DGCR8: variants seen among roughly 807,000 people sequenced by gnomAD.
The protein encoded by DGCR8 is microprocessor complex subunit DGCR8.
In DGCR8, 14 loss-of-function variants were observed where a neutral mutation model predicts 78.5. That is an observed-to-expected ratio of 0.18 (90% CI 0.12 to 0.28). The LOEUF (loss-of-function observed/expected upper bound fraction) is 0.28. Among genes scored for constraint, DGCR8 ranks in the 10% least tolerant of loss-of-function variants. DGCR8 has a pLI of 1.00. For missense variants in DGCR8, 702 were observed against 1,022.5 expected, an observed-to-expected ratio of 0.69 and a Z score of 4.28; for synonymous variants, 399 against 402.4, an observed-to-expected ratio of 0.99 and a Z score of 0.10.
chr22:20,087,468 G>A lies in DGCR8; in HGVS notation c.880+147G>A. ...AGGACAGGACAGAAATATCTGAGGAGGGAAACACAGGATGGGAGGACGTCC... is the reference window on the plus strand; with the variant it reads ...AGGACAGGACAGAAATATCTGAGGAAGGAAACACAGGATGGGAGGACGTCC... On this transcript the variant is annotated intron_variant, in intron 3 of 13. Coordinates refer to ENST00000351989, the MANE Select transcript of DGCR8 (RefSeq NM_022720.7). This position sits in a 1 kb window ranked among gnomAD's most constrained non-coding sequence, Gnocchi z 4.1. The A allele has an allele frequency of 1.1e-6, 1 of 936,822 alleles. No individual in the cohort carries two copies. The allele number at this position is 936,822 out of a possible 1,614,324, so 58.0% of individuals were successfully genotyped here. A position where few individuals can be genotyped will look rare whatever the true frequency, so the allele number is the denominator to read the frequency against.
rs530897530 is a variant in DGCR8, at chr22:20,089,703, C to A, written c.915C>A (p.Asp305Glu). The part of the protein sequence containing the change: ...RGRPPTEPLP[D>E]GWIMTFHNSG... Reference sequence around the variant, plus strand: ...GCCCACCTACAGAGCCGCTGCCCGACGGGTGGATCATGACATTCCATAACT... The same window carrying A: ...GCCCACCTACAGAGCCGCTGCCCGAAGGGTGGATCATGACATTCCATAACT... Residue 305 changes from aspartate to glutamate, a missense_variant, in exon 4 of 14, where the codon GAC (aspartate) becomes GAA (glutamate). Physicochemically the swap from Asp to Glu is conservative, Grantham distance 45. This residue lies in a region of DGCR8 where 356 missense variants were observed against 448.9 expected (regional missense o/e 0.79). Coordinates refer to ENST00000351989, the MANE Select transcript of DGCR8 (RefSeq NM_022720.7). This position sits in a 1 kb window ranked among gnomAD's most constrained non-coding sequence, Gnocchi z 4.9. 8 of 1,613,886 alleles carry A rather than the reference C, an allele frequency of 5.0e-6. No homozygotes were observed. In the South Asian group the frequency reaches 5.5e-5, roughly 11 times the overall value.
At chr22:20,102,806 A>G (rs751052973) in intron 9 of DGCR8, among the ~76,000 whole-genome samples, 3 of 152,128 alleles carry the variant, frequency 2.0e-5, no homozygotes, top group Non-Finnish European at 4.4e-5. Context: ...TTGCTGTTCC[A>G]TGTAGACTTT....
In DGCR8 at chr22:20,091,568, G is replaced by A; in HGVS notation, c.1440G>A (p.Arg480=). The A allele has an allele frequency of 6.2e-7, 1 of 1,614,236 alleles. No homozygotes were observed. Among genetic ancestry groups the A allele is most frequent in the Non-Finnish European group, 8.5e-7 (1 of 1,180,050 alleles). ...EMKRKQAESE[R]PILPANQKLI... ...AGCGGAAGCAGGCGGAGTCCGAGAG[G>A]CCCATCTTGCCAGCCAATCAGAAGC... Residue 480 remains arginine (R), a synonymous_variant, in exon 6 of 14, where the codon AGG becomes AGA. Coordinates refer to ENST00000351989, the MANE Select transcript of DGCR8 (RefSeq NM_022720.7).
rs2147914349 is a variant in DGCR8, at chr22:20,085,181, C to T, written c.-277-506C>T. ...GGAGAGCCCTGGGGTCCCTGGGTAG[C>T]AGAGCGCCTGGCCATGCCTCTGAGG... On this transcript the variant is annotated intron_variant, in intron 1 of 13. Transcript: ENST00000351989. This position sits in a 1 kb window ranked among gnomAD's most constrained non-coding sequence, Gnocchi z 6.2. The T allele has an allele frequency of 1.9e-5, 7 of 365,706 alleles. No homozygotes were observed. The highest frequency in any genetic ancestry group is 2.7e-5 in the Non-Finnish European group (7 of 263,484). The allele number at this position is 365,706 out of a possible 1,614,324, so 22.7% of individuals were successfully genotyped here. A position where few individuals can be genotyped will look rare whatever the true frequency, so the allele number is the denominator to read the frequency against.
chr22:20,110,154 T>G lies in DGCR8; in HGVS notation c.*46T>G. The G allele has an allele frequency of 6.3e-7, 1 of 1,575,980 alleles. No individual in the cohort carries two copies. Among genetic ancestry groups the G allele is most frequent in the Non-Finnish European group, 8.6e-7 (1 of 1,158,260 alleles). ...GCGCGGGGGCCGCCAGCCGCACTTC[T>G]GAGGAGACCAGCAGTCATGCATCGT... On this transcript the variant is annotated 3_prime_UTR_variant, in exon 14 of 14. Coordinates refer to ENST00000351989, the MANE Select transcript of DGCR8 (RefSeq NM_022720.7).
intron 9 of DGCR8, among the ~76,000 whole-genome samples, chr22:20,098,614 C>T (rs1029044745): frequency 6.6e-6 from 1 of 152,174 alleles, no homozygotes. Context: ...CAAAGTGTCA[C>T]AGACTGGGAG....
At chr22:20,107,224 C>G in intron 11 of DGCR8, 47 bp from the exon 12 acceptor site, 1 of 1,613,452 alleles carries the variant, frequency 6.2e-7, no homozygotes. Flanking sequence ...CCCATGAGCA[C>G]TGGGTGTTTG....
At position 20,092,856 on chromosome 22, in the gene DGCR8, A is replaced by T; in HGVS notation, c.1654A>T (p.Thr552Ser). Residue 552 changes from threonine (T) to serine (S), a missense_variant, in exon 8 of 14, where the codon ACT becomes TCT. Thr to Ser is a moderately conservative substitution (Grantham distance 58). Transcript: ENST00000351989. ...FGASVTIDGV[T>S]YGSGTASSKK... ...TGCCTCGGTGACCATTGATGGTGTG[A>T]CTTACGGATCTGGAACTGCAAGCAG... 1 of 1,613,874 alleles carries T rather than the reference A, an allele frequency of 6.2e-7. No homozygotes were observed. Among genetic ancestry groups the T allele is most frequent in the Non-Finnish European group, 8.5e-7 (1 of 1,179,878 alleles).
intron 9 of DGCR8, among the ~76,000 whole-genome samples, chr22:20,096,710 T>C (rs907164734): frequency 1.1e-4 from 17 of 152,354 alleles, no homozygotes; most frequent in Admixed American, 5.9e-4. Flanking sequence ...ACTAATCTGC[T>C]TTCTGTCTCT....
chr22:20,101,404 G>A (rs561550414), intron 9 of DGCR8: 30 of 707,658 alleles, frequency 4.2e-5, no homozygotes, highest in African/African-American at 1.4e-4. Flanking sequence ...GTGAAACCCC[G>A]TCTCTACTAA....
intron 9 of DGCR8, among the ~76,000 whole-genome samples, chr22:20,095,156 A>G (rs1206750517): frequency 6.6e-6 from 1 of 152,098 alleles, no homozygotes; most frequent in African/African-American, 2.4e-5. Context: ...TCACCCAGGC[A>G]GTGACAGAGT....
chr22:20,107,185 G>GTGAC (rs2049781081), intron 11 of DGCR8, 86 bp from the exon 12 acceptor site: 8 of 1,527,202 alleles, frequency 5.2e-6, no homozygotes, highest in Non-Finnish European at 7.2e-6. Context: ...TCGGGGTGTG[G>GTGAC]GTCAGGAGGG....
chr22:20,108,558 C>G (rs2049796851), intron 12 of DGCR8: 1 of 275,802 alleles, frequency 3.6e-6, no homozygotes, highest in African/African-American at 2.2e-5. Flanking sequence ...TGGCCACACT[C>G]TGGTTTCACT....
intron 1 of DGCR8, 61 bp downstream of exon 1, chr22:20,080,444 G>C: frequency 1.0e-6 from 1 of 979,658 alleles, no homozygotes; most frequent in South Asian, 4.7e-5. Flanking sequence ...GCCTGCGCGA[G>C]GGCGCGCCCT....
chr22:20,107,587 C>A, intron 12 of DGCR8, 189 bp downstream of exon 12: 1 of 641,056 alleles, frequency 1.6e-6, no homozygotes, highest in Non-Finnish European at 2.7e-6. Context: ...CTATCCCAGC[C>A]TGCTGGGCAT....
rs371515546 is a variant in DGCR8 at position 20,086,693 on chromosome 22, C to G, written c.720+10C>G. On this transcript the variant is annotated intron_variant, in intron 2 of 13. Transcript: ENST00000351989. This position sits in a 1 kb window ranked among gnomAD's most constrained non-coding sequence, Gnocchi z 6.4. ...GAATTTCCCCTACGAGGTATGTTGG[C>G]AGCCCCTCCTCTAGAGGGCTCTTAG... 1.3e-6 allele frequency: 2 copies of G among 1,597,680 alleles called. No individual in the cohort carries two copies. Among genetic ancestry groups the G allele is most frequent in the African/African-American group, 2.7e-5 (2 of 74,712 alleles).
At chr22:20,092,747 C>G (rs921788435) in intron 7 of DGCR8, 62 bp from the exon 8 acceptor site, 2 of 1,430,716 alleles carry the variant, frequency 1.4e-6, no homozygotes, top group Non-Finnish European at 2.0e-6. Context: ...TGTGGGCAGA[C>G]TGTGCACACG....
chr22:20,104,157 CTT>C (rs1220884827), intron 9 of DGCR8, among the ~76,000 whole-genome samples: 2,848 of 135,938 alleles, frequency 0.021, 30 homozygotes, highest in Middle Eastern at 0.04. Flanking sequence ...TGGTGTCGGT[CTT>C]TTTTTTTTTT....
chr22:20,107,184 G>A, intron 11 of DGCR8, 87 bp from the exon 12 acceptor site: 1 of 1,514,560 alleles, frequency 6.6e-7, no homozygotes, highest in Non-Finnish European at 9.2e-7. Context: ...CTCGGGGTGT[G>A]GGTCAGGAGG....
Sources: allele counts gnomAD v4.1 joint callset (sites outside exome capture counted in the v4.1 genomes callset), GRCh38; gene constraint gnomAD v4.1.1; regional missense constraint gnomAD v4.1.1; non-coding constraint Gnocchi (gnomAD v3.1); transcripts MANE v1.5; gene names NCBI Gene and HGNC (gene_info 2026-07-23, HGNC 2026-07-21).